CAPS2: variants seen among roughly 807,000 people sequenced by gnomAD.
The protein encoded by CAPS2 is calcyphosin-2.
CAPS2 carries 98 observed loss-of-function variants against 86.5 expected under a neutral mutation model. That is an observed-to-expected ratio of 1.13 (90% CI 0.96 to 1.34). CAPS2 has a LOEUF of 1.34. CAPS2 is among the 40% of genes most tolerant of loss of function. The probability of loss-of-function intolerance (pLI) is 0.00; values close to 1 mark genes in which losing one functional copy is unlikely to be tolerated. For missense variants in CAPS2, 729 were observed against 686.8 expected (o/e 1.06, Z -0.69); for synonymous variants, 210 against 225.1 (o/e 0.93, Z 0.60).
intron 1 of CAPS2, among the ~76,000 whole-genome samples, chr12:75,361,514 G>T (rs191934697): frequency 1.5e-3 from 232 of 152,268 alleles, no homozygotes; most frequent in African/African-American, 5.0e-3. Flanking sequence ...AAGGCTTGGG[G>T]CTTGCACCCT....
chr12:75,329,766 C>G (rs2041126136), upstream of CAPS2: 5 of 1,354,044 alleles, frequency 3.7e-6, no homozygotes, highest in Non-Finnish European at 5.0e-6. Flanking sequence ...TCAAGCAAAA[C>G]AGGGTAATAT....
intron 14 of CAPS2, among the ~76,000 whole-genome samples, chr12:75,286,500 T>G (rs1189021178): frequency 6.6e-6 from 1 of 151,700 alleles, no homozygotes; most frequent in Non-Finnish European, 1.5e-5. Flanking sequence ...GAAATACATA[T>G]TTATATTTAT....
intron 1 of CAPS2, among the ~76,000 whole-genome samples, chr12:75,384,352 G>A (rs1325636091): frequency 6.6e-6 from 1 of 152,090 alleles, no homozygotes; most frequent in Non-Finnish European, 1.5e-5. Flanking sequence ...ACATTAAAAG[G>A]ATAACTGAGC....
chr12:75,336,369 GACT>G (rs1358054469), intron 1 of CAPS2, among the ~76,000 whole-genome samples: 1 of 151,698 alleles, frequency 6.6e-6, no homozygotes, highest in African/African-American at 2.4e-5. Flanking sequence ...AAATGCAAAT[GACT>G]ACTACATACT....
intron 4 of CAPS2, 94 bp from the exon 5 acceptor site, chr12:75,321,670 A>G (rs1290461369): frequency 6.9e-6 from 6 of 872,476 alleles, no homozygotes; most frequent in Non-Finnish European, 1.1e-5. Context: ...CTTAGCATCC[A>G]TTCCTTAAAA....
At chr12:75,356,007 G>A (rs890570882) in intron 1 of CAPS2, among the ~76,000 whole-genome samples, 1 of 152,216 alleles carries the variant, frequency 6.6e-6, no homozygotes, top group African/African-American at 2.4e-5. Flanking sequence ...GAGAGCATCA[G>A]CAAAAATAGC....
rs35360428 is a variant in CAPS2, at chr12:75,354,166, A to AGGGG, written c.-394-30948_-394-30945dup. 3.3e-3 allele frequency among the ~76,000 whole-genome samples: 400 copies of AGGGG among 122,838 alleles called. 2 individuals carry two copies. The highest frequency in any genetic ancestry group is 0.013 in the African/African-American group (378 of 29,852). The allele number at this position is 122,838 out of a possible 152,430, so 80.6% of individuals were successfully genotyped here. A position where few individuals can be genotyped will look rare whatever the true frequency, so the allele number is the denominator to read the frequency against. On this transcript the variant is annotated intron_variant, in intron 1 of 5. Coordinates refer to the CAPS2 transcript ENST00000551829. ...AGAGCAATCAGGGAAGAGAAAAAAA[A>AGGGG]GGGGGGGGGGTATTCAAATAGGAAA... is the stretch of plus-strand genomic sequence containing the variant.
At chr12:75,304,910 T>C in intron 7 of CAPS2, 34 bp from the exon 8 acceptor site, 1 of 1,596,232 alleles carries the variant, frequency 6.3e-7, no homozygotes, top group Non-Finnish European at 8.5e-7. Context: ...AACAATTAAA[T>C]ATGATCATGC....
intron 1 of CAPS2, among the ~76,000 whole-genome samples, chr12:75,366,077 T>G (rs1363608785): frequency 6.6e-6 from 1 of 152,134 alleles, no homozygotes; most frequent in Non-Finnish European, 1.5e-5. Context: ...TTAAAGCCAG[T>G]TTATTTATTA....
At chr12:75,295,740 A>G (rs1292611751) in intron 11 of CAPS2, among the ~76,000 whole-genome samples, 1 of 152,224 alleles carries the variant, frequency 6.6e-6, no homozygotes, top group Non-Finnish European at 1.5e-5. Context: ...AAAAATATAC[A>G]CATATAAGGT....
At chr12:75,324,302 T>C (rs192004455) in intron 2 of CAPS2, among the ~76,000 whole-genome samples, 4 of 152,340 alleles carry the variant, frequency 2.6e-5, no homozygotes, top group Admixed American at 1.3e-4. Context: ...TGAAAATCTA[T>C]TGGCTACATG....
chr12:75,377,856 T>TATATATATAA, intron 1 of CAPS2, among the ~76,000 whole-genome samples: 1 of 37,626 alleles, frequency 2.7e-5, no homozygotes, highest in African/African-American at 8.8e-5. Flanking sequence ...TATATATATA[T>TATATATATAA]ATATGCGTGT....
Position 75,366,807 on chromosome 12 carries a change from T to C in CAPS2, c.-395+24031A>G, listed in dbSNP as rs2043997168. 4 of 697,008 alleles carry C rather than the reference T, an allele frequency of 5.7e-6. No homozygotes were observed. The Admixed American group carries it at 6.0e-5, about 10-fold the overall frequency. 43.2% of individuals were successfully genotyped at this position (697,008 alleles called of 1,614,324 possible). A position where few individuals can be genotyped will look rare whatever the true frequency, so the allele number is the denominator to read the frequency against. ...TCTCTCTTCAGAGGTCTATCACCTC[T>C]GAGAGGGCTAAAAATGCCAAGTGAA... On this transcript the variant is annotated intron_variant, in intron 1 of 5. Transcript: ENST00000551829.
intron 1 of CAPS2, among the ~76,000 whole-genome samples, chr12:75,349,765 C>A (rs754511362): frequency 6.6e-6 from 1 of 151,934 alleles, no homozygotes; most frequent in South Asian, 2.1e-4. Context: ...TTCAGGAGTT[C>A]AAGACTGCAG....
At chr12:75,308,480 T>A (rs2038769866) in intron 7 of CAPS2, among the ~76,000 whole-genome samples, 1 of 152,178 alleles carries the variant, frequency 6.6e-6, no homozygotes, top group African/African-American at 2.4e-5. Flanking sequence ...TTTTAATAAA[T>A]CTCTGCTTTT....
At chr12:75,293,428 A>T in intron 11 of CAPS2, 61 bp from the exon 12 acceptor site, 1 of 997,562 alleles carries the variant, frequency 1.0e-6, no homozygotes, top group Non-Finnish European at 1.6e-6. Flanking sequence ...TATAACTAAC[A>T]TCAATTTTAA....
intron 1 of CAPS2, among the ~76,000 whole-genome samples, chr12:75,378,670 G>A (rs2044790179): frequency 6.6e-6 from 1 of 152,172 alleles, no homozygotes; most frequent in African/African-American, 2.4e-5. Context: ...GCCTTCAACT[G>A]GTTGAATGAG....
chr12:75,384,405 A>T (rs1425324279), intron 1 of CAPS2, among the ~76,000 whole-genome samples: 1 of 152,152 alleles, frequency 6.6e-6, no homozygotes, highest in Non-Finnish European at 1.5e-5. Context: ...AATAATCTAG[A>T]TGAACGGGCC....
intron 1 of CAPS2, among the ~76,000 whole-genome samples, chr12:75,355,970 G>A (rs1036114435): frequency 1.3e-5 from 2 of 152,124 alleles, no homozygotes; most frequent in Admixed American, 1.3e-4. Flanking sequence ...ACACACTGGG[G>A]CCTGTTGGGG....
Sources: allele counts gnomAD v4.1 joint callset (sites outside exome capture counted in the v4.1 genomes callset), GRCh38; gene constraint gnomAD v4.1.1; transcripts MANE v1.5; gene names NCBI Gene and HGNC (gene_info 2026-07-23, HGNC 2026-07-21).